Variants in SULF2 observed in about 807,000 individuals in gnomAD.
The protein encoded by SULF2 is extracellular sulfatase Sulf-2.
In SULF2, 52 loss-of-function variants were observed where a neutral mutation model predicts 107.7. That is an observed-to-expected ratio of 0.48 (90% CI 0.39 to 0.61). The LOEUF is 0.61. Among genes scored for constraint, SULF2 ranks in the 20% least tolerant of loss-of-function variants. The probability of loss-of-function intolerance (pLI) is 0.00; values close to 1 mark genes in which losing one functional copy is unlikely to be tolerated. For synonymous variants in SULF2, 460 were observed against 464.3 expected (o/e 0.99, Z 0.12); for missense variants, 993 against 1,177.3 (o/e 0.84, Z 2.29).
At chr20:47,693,718 T>C (rs1180855249) in intron 4 of SULF2, among the ~76,000 whole-genome samples, 1 of 152,154 alleles carries the variant, frequency 6.6e-6, no homozygotes, top group Non-Finnish European at 1.5e-5. Context: ...AATAAAGGTA[T>C]GTGTGGGTAG....
intron 1 of SULF2, among the ~76,000 whole-genome samples, chr20:47,759,802 CG>C (rs2090378685): frequency 6.6e-6 from 1 of 152,204 alleles, no homozygotes; most frequent in Non-Finnish European, 1.5e-5. Flanking sequence ...CTATTTAAAG[CG>C]GGGGCCCCCA....
rs377579532 is a variant in SULF2 at position 47,757,401 on chromosome 20, C to T, written c.-38G>A. 353 of 1,536,500 alleles carry T rather than the reference C, an allele frequency of 2.3e-4. No homozygotes were observed. The highest frequency in any genetic ancestry group is 6.6e-4 in the South Asian group (55 of 83,260). ...CTGATCTGGTGCTTCTTTTGGGATG[C>T]GGGAGTCTCAAGTTGCGTCTGTGGC... On this transcript the variant is annotated 5_prime_UTR_variant, in exon 2 of 21. Transcript: ENST00000688720.
chr20:47,775,258 T>C (rs1254702752), intron 1 of SULF2, among the ~76,000 whole-genome samples: 1 of 152,202 alleles, frequency 6.6e-6, no homozygotes, highest in African/African-American at 2.4e-5. Flanking sequence ...TTTTGCACTC[T>C]TAGAAGTCAG....
chr20:47,774,057 A>C (rs1440077517), intron 1 of SULF2, among the ~76,000 whole-genome samples: 1 of 152,236 alleles, frequency 6.6e-6, no homozygotes, highest in Non-Finnish European at 1.5e-5. Context: ...TTCACCTTGG[A>C]AACAGCCCGA....
Position 47,759,167 on chromosome 20 carries a change from C to T in SULF2, c.-100-1704G>A, listed in dbSNP as rs1201910714. Among the ~76,000 whole-genome samples, 6 of 152,352 alleles carry T rather than the reference C, an allele frequency of 3.9e-5. No individual in the cohort carries two copies. In the East Asian group the frequency reaches 1.2e-3, roughly 29 times the overall value. ...GCTCCCAGGCTGCACAAGTGCCAGG[C>T]ACTCGCCTCACCTTAGTGCCAGTCC... On this transcript the variant is annotated intron_variant, in intron 1 of 20. Coordinates refer to ENST00000688720, the MANE Select transcript of SULF2 (RefSeq NM_001387048.1).
rs2087880357 is a variant in SULF2 at position 47,683,043 on chromosome 20, T to C, written c.1015A>G (p.Ile339Val). Residue 339 changes from isoleucine to valine, a missense_variant, in exon 7 of 21, where the codon ATC becomes GTC. Coordinates refer to ENST00000688720, the MANE Select transcript of SULF2 (RefSeq NM_001387048.1). ...CCCCTCACGTAGAACGGGACCCTGATGTCAAACTCATATGGCATGGATTTC... is the reference window on the plus strand; with the variant it reads ...CCCCTCACGTAGAACGGGACCCTGACGTCAAACTCATATGGCATGGATTTC... ...KGKSMPYEFD[I>V]RVPFYVRGPN... 6.2e-7 allele frequency: 1 copy of C among 1,613,506 alleles called. No homozygotes were observed. The highest frequency in any genetic ancestry group is 2.2e-5 in the East Asian group (1 of 44,854).
intron 3 of SULF2, among the ~76,000 whole-genome samples, chr20:47,726,600 T>C (rs2089450482): frequency 6.6e-6 from 1 of 152,224 alleles, no homozygotes; most frequent in Non-Finnish European, 1.5e-5. Context: ...GCCTACTGAA[T>C]ACCTGAACCA....
chr20:47,695,913 G>A (rs894871882), intron 4 of SULF2, among the ~76,000 whole-genome samples: 9 of 152,148 alleles, frequency 5.9e-5, no homozygotes, highest in South Asian at 2.1e-4. Context: ...GCGCCTGGCC[G>A]GATTTCCTTT....
At chr20:47,668,308 G>A (rs1236267214) in intron 11 of SULF2, among the ~76,000 whole-genome samples, 1 of 152,230 alleles carries the variant, frequency 6.6e-6, no homozygotes, top group Non-Finnish European at 1.5e-5. Flanking sequence ...ACAGCTGCTC[G>A]CATTCCCTTA....
At chr20:47,669,006 G>A (rs542433658) in intron 11 of SULF2, among the ~76,000 whole-genome samples, 1 of 152,144 alleles carries the variant, frequency 6.6e-6, no homozygotes, top group Non-Finnish European at 1.5e-5. Flanking sequence ...TCCATTGAGC[G>A]CCATTCTGGA....
intron 1 of SULF2, among the ~76,000 whole-genome samples, chr20:47,757,815 G>A: frequency 6.6e-6 from 1 of 152,202 alleles, no homozygotes; most frequent in East Asian, 1.9e-4. Context: ...GAGAGGAACA[G>A]CAGCGGGCTG....
intron 18 of SULF2, among the ~76,000 whole-genome samples, chr20:47,660,177 T>C (rs2087020437): frequency 6.6e-6 from 1 of 152,186 alleles, no homozygotes; most frequent in Non-Finnish European, 1.5e-5. Flanking sequence ...TTCACCTTAC[T>C]CCTCCATAAA....
rs765295459 is a variant in SULF2 at position 47,659,442 on chromosome 20, G to A, written c.2539C>T (p.Arg847Cys). The change falls in exon 20 of 21, where the codon CGT becomes TGT. Residue 847 changes from arginine to cysteine, a missense_variant. Coordinates refer to ENST00000688720, the MANE Select transcript of SULF2 (RefSeq NM_001387048.1). ...GSYEQYRQFQRRKWPEMKRPS... is the reference protein window; with the variant it reads ...GSYEQYRQFQCRKWPEMKRPS... ...CTCTTCATTTCTGGCCACTTTCGAC[G>A]CTGAAACTGCCTAAGTTTTCAAGTG... 6.2e-6 allele frequency: 10 copies of A among 1,614,036 alleles called. No homozygotes were observed. Among genetic ancestry groups the A allele is most frequent in the South Asian group, 1.1e-5 (1 of 91,074 alleles).
chr20:47,663,143 G>C lies in SULF2; in HGVS notation c.2297C>G (p.Thr766Ser), dbSNP rs1240127400. Reference protein sequence around the residue: ...TYWCMRTINETHNFLFCEFAT... With the variant: ...TYWCMRTINESHNFLFCEFAT... ...AAATTCACAGAAGAGGAAATTGTGA[G>C]TCTCATTGATGGTCCTCATGCACCA... Residue 766 changes from threonine (T) to serine (S), a missense_variant, in exon 17 of 21, where the codon ACT (threonine) becomes AGT (serine). Coordinates refer to ENST00000688720, the MANE Select transcript of SULF2 (RefSeq NM_001387048.1). 2 of 1,614,178 alleles carry C rather than the reference G, an allele frequency of 1.2e-6. No homozygotes were observed. The highest frequency in any genetic ancestry group is 4.5e-5 in the East Asian group (2 of 44,878).
At chr20:47,782,571 C>CGA (rs1423907183) in intron 1 of SULF2, among the ~76,000 whole-genome samples, 1 of 152,164 alleles carries the variant, frequency 6.6e-6, no homozygotes, top group Non-Finnish European at 1.5e-5. Flanking sequence ...GCCAGGCCAT[C>CGA]GAGACTCCAT....
intron 2 of SULF2, among the ~76,000 whole-genome samples, chr20:47,746,994 A>AAATAT (rs1555853890): frequency 2.8e-4 from 37 of 131,912 alleles, no homozygotes; most frequent in Non-Finnish European, 4.7e-4. Flanking sequence ...AAAAAAAAAA[A>AAATAT]ATATATATAT....
chr20:47,784,405 G>A (rs138775294), intron 1 of SULF2, among the ~76,000 whole-genome samples: 29 of 152,284 alleles, frequency 1.9e-4, no homozygotes, highest in Middle Eastern at 6.8e-3. Flanking sequence ...GGGGGAGGAG[G>A]AGGAGGAGAG....
In SULF2 at chr20:47,663,213, C is replaced by A; in HGVS notation, c.2228-1G>T. The A allele has an allele frequency of 2.5e-6, 4 of 1,614,064 alleles. No homozygotes were observed. Among genetic ancestry groups the A allele is most frequent in the Non-Finnish European group, 3.4e-6 (4 of 1,180,020 alleles). On this transcript the variant is annotated splice_acceptor_variant, in intron 16 of 20. Transcript: ENST00000688720. LOFTEE classifies it high-confidence loss of function. Reference sequence around the variant, plus strand: ...CTGGTGCAGGCACAGAAAGGCCCCACTGCCAAGGAAGAGAGAGCATGTCCT... The same window carrying A: ...CTGGTGCAGGCACAGAAAGGCCCCAATGCCAAGGAAGAGAGAGCATGTCCT...
chr20:47,678,506 A>ACCATGCTTCTCTCCCAC lies in SULF2; in HGVS notation c.1193+169_1193+170insGTGGGAGAGAAGCATGG. ...CAGATGGGAAGACAGAATCTCGGAG[A>ACCATGCTTCTCTCCCAC]GGGGACCATGCTTCTCTCCCACAGC... On this transcript the variant is annotated intron_variant, in intron 8 of 20. Transcript: ENST00000688720. This position sits in a 1 kb window ranked among gnomAD's most constrained non-coding sequence, Gnocchi z 4.5. The ACCATGCTTCTCTCCCAC allele has an allele frequency of 2.6e-6, 2 of 768,562 alleles. No homozygotes were observed. The highest frequency in any genetic ancestry group is 4.2e-6 in the Non-Finnish European group (2 of 477,142). The allele number at this position is 768,562 out of a possible 1,614,324, so 47.6% of individuals were successfully genotyped here. A position where few individuals can be genotyped will look rare whatever the true frequency, so the allele number is the denominator to read the frequency against.
Sources: gnomAD v4.1 joint callset for allele counts (sites outside exome capture counted in the v4.1 genomes callset) on GRCh38, gnomAD v4.1.1 for gene constraint, Gnocchi (gnomAD v3.1) non-coding constraint, MANE v1.5 for transcripts, NCBI Gene and HGNC (gene_info 2026-07-23, HGNC 2026-07-21) for gene names.